The following ELP4 variants were observed in gnomAD, a reference collection of about 807,000 sequenced individuals.
The protein encoded by ELP4 is elongator acetyltransferase complex subunit 4.
A neutral mutation model predicts 48.9 loss-of-function variants in ELP4; 51 were observed. That is an observed-to-expected ratio of 1.04 (90% CI 0.83 to 1.32). The LOEUF (loss-of-function observed/expected upper bound fraction) is 1.32, where lower values mean the gene tolerates loss of function less well. Among genes scored for constraint, ELP4 ranks in the 40% most tolerant of loss-of-function variants. ELP4 has a pLI of 0.00. For missense variants in ELP4, 519 were observed against 514.6 expected (o/e 1.01, Z -0.08); for synonymous variants, 210 against 189.2 (o/e 1.11, Z -0.90).
chr11:31,613,931 G>T (rs1490130764), intron 5 of ELP4, among the ~76,000 whole-genome samples: 1 of 151,824 alleles, frequency 6.6e-6, no homozygotes. Flanking sequence ...GGCTGGTCTA[G>T]AACTCCTGAC....
chr11:31,623,806 A>G (rs549570076), intron 5 of ELP4, among the ~76,000 whole-genome samples: 1 of 151,564 alleles, frequency 6.6e-6, no homozygotes, highest in East Asian at 1.9e-4. Context: ...TTTGCAAACC[A>G]TATGTCTAAT....
Position 31,787,142 on chromosome 11 carries a change from C to T in ELP4, c.*3618C>T, listed in dbSNP as rs1329026879. The T allele has an allele frequency of 4.3e-6, 1 of 232,524 alleles. No individual in the cohort carries two copies. The highest frequency in any genetic ancestry group is 2.2e-5 in the African/African-American group (1 of 45,300). The allele number at this position is 232,524 out of a possible 1,614,324, so 14.4% of individuals were successfully genotyped here. On this transcript the variant is annotated 3_prime_UTR_variant, in exon 10 of 10. Transcript: ENST00000640961. ...GTGCCTGGAGCTCTGTTTGGAAGGA[C>T]AGCTCATGTCCCTAGGGTGTGGGCA...
intron 9 of ELP4, among the ~76,000 whole-genome samples, chr11:31,754,555 C>T (rs1278695378): frequency 1.3e-5 from 2 of 152,052 alleles, no homozygotes; most frequent in African/African-American, 2.4e-5. Flanking sequence ...AAGGCTTTCC[C>T]TGACCAACCT....
At chr11:31,687,371 T>A (rs1165492276) in intron 9 of ELP4, among the ~76,000 whole-genome samples, 1 of 152,176 alleles carries the variant, frequency 6.6e-6, no homozygotes, top group Non-Finnish European at 1.5e-5. Context: ...TGGAGTGGTC[T>A]CATGGAAATT....
intron 9 of ELP4, among the ~76,000 whole-genome samples, chr11:31,693,827 T>G (rs1946336403): frequency 6.6e-6 from 1 of 152,176 alleles, no homozygotes; most frequent in African/African-American, 2.4e-5. Context: ...GCAACTGTTG[T>G]TTCCTGACTT....
At chr11:31,661,857 T>A (rs1489518409) in intron 9 of ELP4, among the ~76,000 whole-genome samples, 1 of 152,088 alleles carries the variant, frequency 6.6e-6, no homozygotes, top group African/African-American at 2.4e-5. Context: ...ACAGATGAAA[T>A]AATTATGTAA....
At chr11:31,767,898 C>T (rs921634942) in intron 9 of ELP4, 12 of 152,118 alleles carry the variant, frequency 7.9e-5, no homozygotes, top group Admixed American at 5.2e-4. Flanking sequence ...AGAGGGCTCT[C>T]GCTTTGCCCA....
At chr11:31,650,611 T>G (rs773813129) in intron 9 of ELP4, 16 of 161,458 alleles carry the variant, frequency 9.9e-5, no homozygotes, top group African/African-American at 3.8e-4. Flanking sequence ...CTTATCTACA[T>G]TTTAAAAGCA....
chr11:31,601,110 G>A (rs1386844322), intron 4 of ELP4, among the ~76,000 whole-genome samples: 1 of 151,698 alleles, frequency 6.6e-6, no homozygotes, highest in Non-Finnish European at 1.5e-5. Context: ...TTTTAAATGT[G>A]TCAATTTTTA....
chr11:31,714,335 A>C (rs1374112127), intron 9 of ELP4, among the ~76,000 whole-genome samples: 1 of 152,250 alleles, frequency 6.6e-6, no homozygotes, highest in Non-Finnish European at 1.5e-5. Flanking sequence ...TGACTAAAAT[A>C]TAAATTGTAA....
At chr11:31,702,800 C>G (rs1177395576) in intron 9 of ELP4, among the ~76,000 whole-genome samples, 1 of 152,070 alleles carries the variant, frequency 6.6e-6, no homozygotes, top group East Asian at 1.9e-4. Flanking sequence ...GTATAAGATA[C>G]TTAACTCCTC....
chr11:31,579,886 T>G (rs1957358556), intron 3 of ELP4, among the ~76,000 whole-genome samples: 1 of 151,940 alleles, frequency 6.6e-6, no homozygotes, highest in Admixed American at 6.6e-5. Context: ...TGTACATATG[T>G]AACAAACCTG....
intron 1 of ELP4, among the ~76,000 whole-genome samples, chr11:31,519,816 C>G (rs1386574582): frequency 7.2e-6 from 1 of 138,510 alleles, no homozygotes; most frequent in African/African-American, 2.7e-5. Context: ...ATCAACAGAG[C>G]AAGACTCCAT....
At chr11:31,732,212 A>G (rs989687095) in intron 9 of ELP4, among the ~76,000 whole-genome samples, 1 of 152,198 alleles carries the variant, frequency 6.6e-6, no homozygotes, top group Non-Finnish European at 1.5e-5. Flanking sequence ...GAATTTAAAT[A>G]AAAGTAGAGT....
At chr11:31,580,261 A>T (rs1957365939) in intron 3 of ELP4, among the ~76,000 whole-genome samples, 1 of 152,226 alleles carries the variant, frequency 6.6e-6, no homozygotes, top group South Asian at 2.1e-4. Flanking sequence ...CTTCATGGAA[A>T]AAGAAACATT....
Position 31,681,773 on chromosome 11 carries a change from C to G in ELP4, c.1143+31552C>G, listed in dbSNP as rs560983646. 3.3e-5 allele frequency: 5 copies of G among 151,130 alleles called. No individual in the cohort carries two copies. In the East Asian group the frequency reaches 7.9e-4, roughly 24 times the overall value. The allele number at this position is 151,130 out of a possible 1,614,324, so 9.4% of individuals were successfully genotyped here. ...TTTTTTTTTTTAAATTGGAGCTTCA[C>G]TCTTGTTGCCCAGGCTGGAGTGCAG... is the stretch of plus-strand genomic sequence containing the variant. On this transcript the variant is annotated intron_variant, in intron 9 of 9. Transcript: ENST00000640961.
intron 9 of ELP4, among the ~76,000 whole-genome samples, chr11:31,700,938 C>A (rs1445462486): frequency 6.6e-6 from 1 of 152,052 alleles, no homozygotes; most frequent in Admixed American, 6.6e-5. Flanking sequence ...TTCTTCCTCT[C>A]CTCCGTGGTT....
chr11:31,531,326 T>C (rs1051277512), intron 2 of ELP4, among the ~76,000 whole-genome samples: 1 of 152,230 alleles, frequency 6.6e-6, no homozygotes, highest in Non-Finnish European at 1.5e-5. Flanking sequence ...AGTATATGTA[T>C]ACTATGTGCC....
intron 9 of ELP4, among the ~76,000 whole-genome samples, chr11:31,771,060 A>C (rs1440510516): frequency 7.2e-5 from 11 of 152,222 alleles, no homozygotes; most frequent in Admixed American, 7.2e-4. Flanking sequence ...ATTTTAAAAG[A>C]ATTAAACTCA....
Sources: gnomAD v4.1 joint callset for allele counts (sites outside exome capture counted in the v4.1 genomes callset) on GRCh38, gnomAD v4.1.1 for gene constraint, MANE v1.5 for transcripts, NCBI Gene and HGNC (gene_info 2026-07-23, HGNC 2026-07-21) for gene names.